The following MYH7B variants were observed in gnomAD, a reference collection of about 807,000 sequenced individuals.
MYH7B encodes the protein myosin-7B.
MYH7B carries 205 observed loss-of-function variants against 234.5 expected under a neutral mutation model. The ratio of observed to expected loss-of-function variants is 0.87; its 90% CI spans 0.78 to 0.98. The LOEUF (loss-of-function observed/expected upper bound fraction) is 0.98, where lower values mean the gene tolerates loss of function less well. Ranked by LOEUF, MYH7B falls within the 50% of genes least tolerant of loss-of-function variation. MYH7B has a pLI of 0.00. For missense variants in MYH7B, 2,652 were observed against 2,633.4 expected, an observed-to-expected ratio of 1.01 and a Z score of -0.15; for synonymous variants, 1,193 against 1,105.0, an observed-to-expected ratio of 1.08 and a Z score of -1.58.
intron 18 of MYH7B, 35 bp downstream of exon 18, chr20:34,987,949 T>C (rs762591844): frequency 7.0e-6 from 11 of 1,565,808 alleles, no homozygotes; most frequent in Non-Finnish European, 9.5e-6. Context: ...CTCTGTTCTC[T>C]CCAAGGTAGA....
At chr20:34,996,713 C>T (rs1299754392) in exon 30 of MYH7B, 1 of 1,613,502 alleles carries the variant, frequency 6.2e-7, no homozygotes, top group Admixed American at 1.7e-5. Flanking sequence ...GAGTCGGTGG[C>T]TGATGCTGCT....
chr20:34,996,781 T>A lies in MYH7B; in HGVS notation c.3266+23T>A, dbSNP rs1327086226. The stretch of plus-strand genomic sequence containing the variant: ...GAAGTAGGTGTGGTGGGGCAGCAGG[T>A]GGGGGCCTTCTGAGCCTGCACCTGG... On this transcript the variant is annotated intron_variant, in intron 30 of 44. Transcript: ENST00000262873. 3 of 1,600,028 alleles carry A rather than the reference T, an allele frequency of 1.9e-6. No individual in the cohort carries two copies. The African/African-American group carries it at 4.0e-5, about 21-fold the overall frequency.
At position 34,990,309 on chromosome 20, in the gene MYH7B, A is replaced by C. The variant is rs1012613591; in HGVS notation, c.1976A>C (p.Lys659Thr). Reference sequence around the variant, plus strand: ...TTCCAGACGGTGTCCCAGCTGCACAAGGTAAGGCCCCATCTGGGAGACAGA... The same window carrying C: ...TTCCAGACGGTGTCCCAGCTGCACACGGTAAGGCCCCATCTGGGAGACAGA... The change falls in exon 22 of 45, where the codon AAG becomes ACG. Residue 659 changes from lysine to threonine, a missense_variant and splice_region_variant. Coordinates refer to ENST00000262873, the Ensembl canonical transcript of MYH7B. The C allele has an allele frequency of 1.9e-6, 3 of 1,614,034 alleles. No homozygotes were observed. The African/African-American group carries it at 4.0e-5, about 22-fold the overall frequency.
At chr20:34,987,495 A>T in intron 16 of MYH7B, 62 bp from the exon 17 acceptor site, 1 of 1,480,020 alleles carries the variant, frequency 6.8e-7, no homozygotes, top group South Asian at 1.2e-5. Context: ...AGGCTGAGGC[A>T]GTAGAGCCCC....
exon 23 of MYH7B, chr20:34,990,775 C>T (rs1487494653): frequency 3.1e-6 from 5 of 1,614,200 alleles, no homozygotes; most frequent in Non-Finnish European, 4.2e-6. Flanking sequence ...CTGCGGGCCA[C>T]ACAGCCCCAC....
At chr20:35,001,019 A>G in exon 41 of MYH7B, 1 of 1,613,836 alleles carries the variant, frequency 6.2e-7, no homozygotes, top group Non-Finnish European at 8.5e-7. Context: ...CTGAAGAAGG[A>G]GCAGGACACA....
intron 9 of MYH7B, chr20:34,981,410 C>T (rs911948598): frequency 1.7e-5 from 5 of 301,300 alleles, no homozygotes; most frequent in Non-Finnish European, 3.1e-5. Context: ...TCCTTTTTAC[C>T]ATCTACTTAT....
intron 26 of MYH7B, among the ~76,000 whole-genome samples, 176 bp downstream of exon 26, chr20:34,993,646 G>C (rs868366212): frequency 1.3e-5 from 2 of 152,250 alleles, no homozygotes; most frequent in Non-Finnish European, 2.9e-5. Context: ...CAAAAAACGG[G>C]GTACGGCACT....
chr20:34,997,240 G>A lies in MYH7B; in HGVS notation c.3358-11G>A. The A allele has an allele frequency of 6.4e-7, 1 of 1,557,160 alleles. No homozygotes were observed. The highest frequency in any genetic ancestry group is 2.4e-5 in the East Asian group (1 of 42,006). ...CACAGAGGTGACAGCTGCCCCACGT[G>A]CCCACCCCAGGCTCGGGCGGAGGAG... is the stretch of plus-strand genomic sequence containing the variant. On this transcript the variant is annotated splice_polypyrimidine_tract_variant and intron_variant, in intron 31 of 44. Transcript: ENST00000262873.
chr20:34,962,522 G>C (rs901318267), intron 2 of MYH7B, among the ~76,000 whole-genome samples: 1 of 151,984 alleles, frequency 6.6e-6, no homozygotes, highest in Non-Finnish European at 1.5e-5. Context: ...ATGATGCAGT[G>C]TTTCATATAT....
intron 32 of MYH7B, 26 bp from the exon 33 acceptor site, chr20:34,998,269 C>T (rs751099055): frequency 3.1e-6 from 5 of 1,612,588 alleles, no homozygotes; most frequent in Non-Finnish European, 4.2e-6. Flanking sequence ...AACTCCTGAC[C>T]CCTGACTCCC....
intron 2 of MYH7B, among the ~76,000 whole-genome samples, chr20:34,973,172 C>T (rs1487249202): frequency 1.3e-5 from 2 of 152,200 alleles, no homozygotes; most frequent in African/African-American, 4.8e-5. Flanking sequence ...CCTTTATGCC[C>T]CAGTGGCCCA....
At chr20:34,986,032 A>C in intron 13 of MYH7B, 68 bp from the exon 14 acceptor site, 1 of 1,363,942 alleles carries the variant, frequency 7.3e-7, no homozygotes, top group East Asian at 2.5e-5. Flanking sequence ...CTCCCTCCGC[A>C]TCGCCCCCTT....
chr20:34,990,230 T>C lies in MYH7B; in HGVS notation c.1901-4T>C. The stretch of plus-strand genomic sequence containing the variant: ...GGAGTGACCAGGCCCCTTGTCTCTA[T>C]TAGCTGAGCCCCCCAAGTCTGGGGT... On this transcript the variant is annotated splice_polypyrimidine_tract_variant and splice_region_variant and intron_variant, in intron 21 of 44. Coordinates refer to ENST00000262873, the Ensembl canonical transcript of MYH7B. 2 of 1,614,104 alleles carry C rather than the reference T, an allele frequency of 1.2e-6. No individual in the cohort carries two copies. Among genetic ancestry groups the C allele is most frequent in the Non-Finnish European group, 1.7e-6 (2 of 1,180,024 alleles).
At chr20:34,996,238 G>C (rs948416436) in intron 28 of MYH7B, 108 bp from the exon 29 acceptor site, 2 of 1,302,476 alleles carry the variant, frequency 1.5e-6, no homozygotes, top group African/African-American at 1.5e-5. Context: ...CAAGTGACTT[G>C]CCTGAGTCCC....
chr20:34,987,581 T>G (rs755885292), exon 17 of MYH7B: 2 of 1,613,596 alleles, frequency 1.2e-6, no homozygotes, highest in African/African-American at 1.3e-5. Flanking sequence ...GCCTACCTGA[T>G]GGGGGTCAGC....
intron 36 of MYH7B, 53 bp from the exon 37 acceptor site, chr20:34,999,518 T>C: frequency 1.3e-6 from 2 of 1,546,862 alleles, no homozygotes; most frequent in Admixed American, 2.0e-5. Context: ...TGGAGTGACC[T>C]GGGTGGGAGT....
intron 2 of MYH7B, among the ~76,000 whole-genome samples, chr20:34,962,460 A>C: frequency 6.6e-6 from 1 of 152,194 alleles, no homozygotes; most frequent in Non-Finnish European, 1.5e-5. Context: ...AATTGGTTCC[A>C]GGACCTCCCA....
intron 27 of MYH7B, among the ~76,000 whole-genome samples, chr20:34,994,864 T>C (rs756604760): frequency 3.9e-5 from 6 of 152,186 alleles, no homozygotes; most frequent in Non-Finnish European, 7.3e-5. Context: ...AGGAGGAACG[T>C]TGGTGGGAAG....
Sources: allele counts gnomAD v4.1 joint callset (sites outside exome capture counted in the v4.1 genomes callset), GRCh38; gene constraint gnomAD v4.1.1; transcripts MANE v1.5; gene names NCBI Gene and HGNC (gene_info 2026-07-23, HGNC 2026-07-21).